ITSN1: variants seen among roughly 807,000 people sequenced by gnomAD.
ITSN1 encodes intersectin 1, also known as intersectin-1.
A neutral mutation model predicts 239.8 loss-of-function variants in ITSN1; 58 were observed. The ratio of observed to expected loss-of-function variants is 0.24; its 90% CI spans 0.20 to 0.30. ITSN1 has a LOEUF of 0.30. ITSN1 is among the 10% of genes least tolerant of loss of function. The pLI, the probability that ITSN1 is intolerant of heterozygous loss-of-function variation, is 1.00. For synonymous variants in ITSN1, 780 were observed against 770.8 expected, an observed-to-expected ratio of 1.01 and a Z score of -0.20; for missense variants, 1,558 against 2,103.3, an observed-to-expected ratio of 0.74 and a Z score of 5.07.
At chr21:33,867,683 G>A (rs1981862921) in intron 33 of ITSN1, among the ~76,000 whole-genome samples, 1 of 151,982 alleles carries the variant, frequency 6.6e-6, no homozygotes, top group African/African-American at 2.4e-5. Context: ...TCCGGAATTG[G>A]TGGGTTCTTG....
chr21:33,864,345 T>C (rs904915475), intron 31 of ITSN1, among the ~76,000 whole-genome samples: 3 of 152,196 alleles, frequency 2.0e-5, no homozygotes, highest in Non-Finnish European at 4.4e-5. Flanking sequence ...TTGCTGTCCT[T>C]ACCGTGTATA....
At chr21:33,856,661 C>A in intron 29 of ITSN1, 75 bp from the exon 30 acceptor site, 1 of 1,600,668 alleles carries the variant, frequency 6.2e-7, no homozygotes, top group South Asian at 1.1e-5. Context: ...CCAGCAGCCA[C>A]GAGGATCTTC....
chr21:33,643,869 C>T (rs888495929), intron 1 of ITSN1: 1 of 152,222 alleles, frequency 6.6e-6, no homozygotes, highest in Non-Finnish European at 1.5e-5. Flanking sequence ...AAACAAATGC[C>T]TCTAGAAATT....
rs540957763 is a variant in ITSN1 at position 33,860,494 on chromosome 21, C to T, written c.3890+1702C>T. Among the ~76,000 whole-genome samples, 30 of 152,256 alleles carry T rather than the reference C, an allele frequency of 2.0e-4. No homozygotes were observed. In the South Asian group the frequency reaches 6.0e-3, roughly 31 times the overall value. On this transcript the variant is annotated intron_variant, in intron 31 of 39. Coordinates refer to ENST00000381318, the MANE Select transcript of ITSN1 (RefSeq NM_003024.3). ...GGGAAACTGGTGCTGGCCTCAGCTCCCCATACCTCTCTGTTGTCTTTTAAC... is the reference window on the plus strand; with the variant it reads ...GGGAAACTGGTGCTGGCCTCAGCTCTCCATACCTCTCTGTTGTCTTTTAAC...
rs567956718 is a variant in ITSN1, at chr21:33,838,008, T to C, written c.3661+1376T>C. The C allele has an allele frequency of 4.1e-6, 4 of 985,788 alleles. No individual in the cohort carries two copies. The South Asian group carries it at 1.4e-4, about 35-fold the overall frequency. 61.1% of individuals were successfully genotyped at this position (985,788 alleles called of 1,614,324 possible). On this transcript the variant is annotated intron_variant, in intron 29 of 39. Coordinates refer to ENST00000381318, the MANE Select transcript of ITSN1 (RefSeq NM_003024.3). ...AATTTTCTTGACAAGAAAGAATGTA[T>C]AGAAGTCTCCCTGCAATTAATTTCC...
chr21:33,759,384 A>G (rs527939596), intron 8 of ITSN1, among the ~76,000 whole-genome samples: 1 of 152,226 alleles, frequency 6.6e-6, no homozygotes. Context: ...ACTAGAATCC[A>G]AGTCCCCTGA....
At chr21:33,654,678 A>G (rs773052854) in intron 1 of ITSN1, among the ~76,000 whole-genome samples, 1 of 152,210 alleles carries the variant, frequency 6.6e-6, no homozygotes, top group Non-Finnish European at 1.5e-5. Context: ...ACTAGGCTCA[A>G]TAGAGAAGGA....
At chr21:33,693,899 A>G (rs1422326223) in intron 1 of ITSN1, among the ~76,000 whole-genome samples, 1 of 152,264 alleles carries the variant, frequency 6.6e-6, no homozygotes, top group Non-Finnish European at 1.5e-5. Context: ...GAAAATATTT[A>G]CAACACTTTA....
chr21:33,829,975 T>TC (rs1384651174), intron 27 of ITSN1, among the ~76,000 whole-genome samples: 2 of 152,154 alleles, frequency 1.3e-5, no homozygotes, highest in East Asian at 1.9e-4. Flanking sequence ...TCTTTCCCAT[T>TC]CCTGAATTCA....
At chr21:33,651,718 G>T (rs938320011) in intron 1 of ITSN1, among the ~76,000 whole-genome samples, 1 of 152,086 alleles carries the variant, frequency 6.6e-6, no homozygotes, top group South Asian at 2.1e-4. Context: ...AAAATAGCAG[G>T]CTTTTGCATT....
chr21:33,829,424 G>A, intron 26 of ITSN1, 200 bp from the exon 27 acceptor site: 2 of 607,036 alleles, frequency 3.3e-6, no homozygotes, highest in Non-Finnish European at 5.9e-6. Context: ...TCAAGGATCA[G>A]CCAGGCCCTT....
At chr21:33,844,445 G>A (rs868460698) in intron 29 of ITSN1, among the ~76,000 whole-genome samples, 14 of 152,130 alleles carry the variant, frequency 9.2e-5, no homozygotes, top group Admixed American at 3.9e-4. Flanking sequence ...TTCTCATCAC[G>A]GCATTCTGTG....
At chr21:33,718,710 T>C in intron 1 of ITSN1, 87 bp from the exon 2 acceptor site, 3 of 847,006 alleles carry the variant, frequency 3.5e-6, no homozygotes, top group Non-Finnish European at 6.0e-6. Context: ...ATTAGTCCTC[T>C]GACCATTAAA....
At chr21:33,730,276 AT>A (rs1043972818) in intron 4 of ITSN1, among the ~76,000 whole-genome samples, 1 of 145,378 alleles carries the variant, frequency 6.9e-6, no homozygotes, top group Non-Finnish European at 1.5e-5. Flanking sequence ...TCCTTCATTT[AT>A]TTTTGTTGGA....
chr21:33,799,236 A>G (rs1479468602), intron 18 of ITSN1, among the ~76,000 whole-genome samples: 1 of 152,214 alleles, frequency 6.6e-6, no homozygotes, highest in Non-Finnish European at 1.5e-5. Context: ...TAGGCTAATT[A>G]TTTCCCAAAG....
rs1986866796 is a variant in ITSN1 at position 33,897,806 on chromosome 21, A to T, written c.*9506A>T. The T allele has an allele frequency of 1.3e-5, 2 of 152,230 alleles. No individual in the cohort carries two copies. The highest frequency in any genetic ancestry group is 2.9e-5 in the Non-Finnish European group (2 of 68,036). The allele number at this position is 152,230 out of a possible 1,614,324, so 9.4% of individuals were successfully genotyped here. A position where few individuals can be genotyped will look rare whatever the true frequency, so the allele number is the denominator to read the frequency against. On this transcript the variant is annotated 3_prime_UTR_variant, in exon 40 of 40. Transcript: ENST00000381318. The stretch of plus-strand genomic sequence containing the variant: ...TAGAAAAAAATTTAAAACCTATTCC[A>T]AGAGTAGAAAATGCTTAATGAGATT...
intron 1 of ITSN1, chr21:33,643,335 TC>T: frequency 6.6e-6 from 1 of 152,168 alleles, no homozygotes; most frequent in Non-Finnish European, 1.5e-5. Context: ...TGTGAGCGCG[TC>T]CCCGGGTCCG....
chr21:33,720,030 A>G (rs1005211334), intron 2 of ITSN1, among the ~76,000 whole-genome samples: 2 of 152,146 alleles, frequency 1.3e-5, no homozygotes, highest in African/African-American at 4.8e-5. Flanking sequence ...AAAAATCACT[A>G]GTTATTCTAT....
At chr21:33,653,243 C>T (rs1199147617) in intron 1 of ITSN1, among the ~76,000 whole-genome samples, 2 of 152,172 alleles carry the variant, frequency 1.3e-5, no homozygotes, top group African/African-American at 4.8e-5. Flanking sequence ...GATCTGCCCT[C>T]CTCAGCCTCC....
Sources: gnomAD v4.1 joint callset for allele counts (sites outside exome capture counted in the v4.1 genomes callset) on GRCh38, gnomAD v4.1.1 for gene constraint, MANE v1.5 for transcripts, NCBI Gene and HGNC (gene_info 2026-07-23, HGNC 2026-07-21) for gene names.